ADAMTS18: variants seen among roughly 807,000 people sequenced by gnomAD.
ADAMTS18 encodes the protein ADAM metallopeptidase with thrombospondin type 1 motif 18.
In ADAMTS18, 157 loss-of-function variants were observed where a neutral mutation model predicts 165.9. The observed-to-expected ratio is 0.95, with a 90% CI of 0.83 to 1.08. The LOEUF is 1.08. Among genes scored for constraint, ADAMTS18 ranks in the 50% least tolerant of loss-of-function variants. The pLI is 0.00. For missense variants in ADAMTS18, 2,040 were observed against 1,534.0 expected, an observed-to-expected ratio of 1.33 and a Z score of -5.51; for synonymous variants, 782 against 578.2, an observed-to-expected ratio of 1.35 and a Z score of -5.06.
rs575218745 is a variant in ADAMTS18, at chr16:77,379,554, T to C, written c.496-11831A>G. Among the ~76,000 whole-genome samples, 8 of 152,274 alleles carry C rather than the reference T, an allele frequency of 5.3e-5. No homozygotes were observed. In the East Asian group the frequency reaches 1.3e-3, roughly 26 times the overall value. On this transcript the variant is annotated intron_variant, in intron 3 of 22. Transcript: ENST00000282849. Reference sequence around the variant, plus strand: ...CCCAGGCTGGAGTACAGTGGAGCTATTTCGGCTCACTGCAACCTCCACCTC... The same window carrying C: ...CCCAGGCTGGAGTACAGTGGAGCTACTTCGGCTCACTGCAACCTCCACCTC...
intron 16 of ADAMTS18, among the ~76,000 whole-genome samples, chr16:77,301,436 C>T (rs921242975): frequency 6.6e-6 from 1 of 152,198 alleles, no homozygotes; most frequent in Non-Finnish European, 1.5e-5. Context: ...TCTTAATGCC[C>T]TCTTAACTAC....
At chr16:77,365,007 G>A (rs1224432716) in intron 4 of ADAMTS18, among the ~76,000 whole-genome samples, 1 of 152,118 alleles carries the variant, frequency 6.6e-6, no homozygotes, top group East Asian at 1.9e-4. Flanking sequence ...TTGGGAGGCT[G>A]AGGCAGGCGG....
At position 77,434,745 on chromosome 16, in the gene ADAMTS18, G is replaced by T; in HGVS notation, c.-50C>A. The T allele has an allele frequency of 7.4e-7, 1 of 1,360,436 alleles. No homozygotes were observed. The highest frequency in any genetic ancestry group is 9.5e-7 in the Non-Finnish European group (1 of 1,052,164). 84.3% of individuals were successfully genotyped at this position (1,360,436 alleles called of 1,614,324 possible). A position where few individuals can be genotyped will look rare whatever the true frequency, so the allele number is the denominator to read the frequency against. On this transcript the variant is annotated 5_prime_UTR_variant, in exon 1 of 23. Coordinates refer to ENST00000282849, the MANE Select transcript of ADAMTS18 (RefSeq NM_199355.4). ...CGGGTGGCCAGACGCGGCAGGCGGA[G>T]CGCACGGGCGGCGCGCATTCTTTCC...
At chr16:77,319,741 C>T in intron 16 of ADAMTS18, 108 bp downstream of exon 16, 8 of 1,575,674 alleles carry the variant, frequency 5.1e-6, no homozygotes, top group African/African-American at 1.3e-5. Context: ...CCATGCCCGG[C>T]CAGGAAACAC....
At chr16:77,313,398 C>T (rs1040048024) in intron 16 of ADAMTS18, among the ~76,000 whole-genome samples, 5 of 151,076 alleles carry the variant, frequency 3.3e-5, no homozygotes, top group African/African-American at 1.2e-4. Context: ...ACATATGTAA[C>T]AAACCTGTAC....
intron 16 of ADAMTS18, among the ~76,000 whole-genome samples, chr16:77,316,821 C>G (rs964918637): frequency 6.6e-6 from 1 of 152,058 alleles, no homozygotes; most frequent in Admixed American, 6.6e-5. Flanking sequence ...AGGCATGCAC[C>G]ACCACGCCTG....
At chr16:77,294,823 G>A (rs1443257070) in intron 19 of ADAMTS18, 100 bp downstream of exon 19, 1 of 1,140,690 alleles carries the variant, frequency 8.8e-7, no homozygotes, top group Admixed American at 1.9e-5. Flanking sequence ...TGATTTCCAT[G>A]AACATGTAAA....
intron 22 of ADAMTS18, among the ~76,000 whole-genome samples, chr16:77,285,072 G>A (rs963676644): frequency 6.6e-6 from 1 of 152,112 alleles, no homozygotes; most frequent in Non-Finnish European, 1.5e-5. Flanking sequence ...TTATTTCACT[G>A]TACATCAAGA....
chr16:77,373,390 C>T (rs1190468419), intron 3 of ADAMTS18, among the ~76,000 whole-genome samples: 4 of 149,636 alleles, frequency 2.7e-5, no homozygotes, highest in Non-Finnish European at 4.4e-5. Context: ...ACACGGGAGG[C>T]GGAGGTTGCA....
chr16:77,383,979 C>A (rs773343780), intron 3 of ADAMTS18, among the ~76,000 whole-genome samples: 4 of 152,120 alleles, frequency 2.6e-5, no homozygotes, highest in Non-Finnish European at 4.4e-5. Context: ...CCATAACAGC[C>A]TTTATCATGA....
chr16:77,288,358 T>A (rs775603565), intron 22 of ADAMTS18, among the ~76,000 whole-genome samples: 1 of 152,034 alleles, frequency 6.6e-6, no homozygotes, highest in East Asian at 1.9e-4. Flanking sequence ...TATCCCAGCA[T>A]GGACTAGGAT....
At chr16:77,370,094 G>GT (rs1253668025) in intron 3 of ADAMTS18, among the ~76,000 whole-genome samples, 1 of 151,972 alleles carries the variant, frequency 6.6e-6, no homozygotes, top group Non-Finnish European at 1.5e-5. Context: ...CACAATAAAG[G>GT]CCATATATGA....
At chr16:77,311,681 A>G (rs554579393) in intron 16 of ADAMTS18, among the ~76,000 whole-genome samples, 7 of 145,018 alleles carry the variant, frequency 4.8e-5, no homozygotes, top group African/African-American at 1.8e-4. Context: ...TATCATAGAC[A>G]AAATACTAGA....
Position 77,335,932 on chromosome 16 carries a change from C to G in ADAMTS18, c.1711-28G>C, listed in dbSNP as rs749221917. On this transcript the variant is annotated intron_variant, in intron 11 of 22. Transcript: ENST00000282849. ...GTGAAAAGAACGTGTAAGATGGTTC[C>G]CGTCAGAGACCACCTGGGAAAGCGC... 11 of 1,613,806 alleles carry G rather than the reference C, an allele frequency of 6.8e-6. No homozygotes were observed. The Admixed American group carries it at 1.5e-4, about 22-fold the overall frequency.
At chr16:77,409,857 A>G (rs1039876648) in intron 3 of ADAMTS18, among the ~76,000 whole-genome samples, 1 of 152,156 alleles carries the variant, frequency 6.6e-6, no homozygotes, top group Non-Finnish European at 1.5e-5. Context: ...GACGTTTATA[A>G]TCTTTAAGAC....
intron 3 of ADAMTS18, among the ~76,000 whole-genome samples, chr16:77,395,290 G>C (rs1309916081): frequency 2.0e-5 from 3 of 152,164 alleles, no homozygotes; most frequent in African/African-American, 2.4e-5. Context: ...AAACCAGTAA[G>C]GTCCTTAGGA....
intron 7 of ADAMTS18, among the ~76,000 whole-genome samples, chr16:77,360,533 G>C (rs1471550998): frequency 6.6e-6 from 1 of 152,032 alleles, no homozygotes; most frequent in African/African-American, 2.4e-5. Flanking sequence ...GTACATTTTG[G>C]TCTCTGGATA....
At position 77,434,750 on chromosome 16, in the gene ADAMTS18, C is replaced by T. The variant is rs886198469; in HGVS notation, c.-55G>A. On this transcript the variant is annotated 5_prime_UTR_variant, in exon 1 of 23. In the 5' UTR this introduces an upstream ATG that the reference lacks. Coordinates refer to ENST00000282849, the MANE Select transcript of ADAMTS18 (RefSeq NM_199355.4). ...GGCCAGACGCGGCAGGCGGAGCGCA[C>T]GGGCGGCGCGCATTCTTTCCGCGGC... 10 of 1,336,290 alleles carry T rather than the reference C, an allele frequency of 7.5e-6. No individual in the cohort carries two copies. The highest frequency in any genetic ancestry group is 5.1e-5 in the South Asian group (3 of 58,420). 82.8% of individuals were successfully genotyped at this position (1,336,290 alleles called of 1,614,324 possible). A position where few individuals can be genotyped will look rare whatever the true frequency, so the allele number is the denominator to read the frequency against.
At chr16:77,369,256 G>C (rs548686476) in intron 3 of ADAMTS18, among the ~76,000 whole-genome samples, 2 of 151,972 alleles carry the variant, frequency 1.3e-5, no homozygotes, top group East Asian at 3.9e-4. Flanking sequence ...CTAAGCTAAA[G>C]ATTTGTCAAT....
Sources: allele counts gnomAD v4.1 joint callset (sites outside exome capture counted in the v4.1 genomes callset), GRCh38; gene constraint gnomAD v4.1.1; transcripts MANE v1.5; gene names NCBI Gene and HGNC (gene_info 2026-07-23, HGNC 2026-07-21).